The following IL1RAP variants were observed in gnomAD, a reference collection of about 807,000 sequenced individuals.
IL1RAP encodes interleukin 1 receptor accessory protein, also known as interleukin-1 receptor accessory protein.
IL1RAP carries 35 observed loss-of-function variants against 60.7 expected under a neutral mutation model. The observed-to-expected ratio is 0.58, with a 90% CI of 0.44 to 0.76. The LOEUF (loss-of-function observed/expected upper bound fraction) is 0.76. Among genes scored for constraint, IL1RAP ranks in the 30% least tolerant of loss-of-function variants. The probability of loss-of-function intolerance (pLI) is 0.00; values close to 1 mark genes in which losing one functional copy is unlikely to be tolerated. For missense variants in IL1RAP, 572 were observed against 693.9 expected, an observed-to-expected ratio of 0.82 and a Z score of 1.97; for synonymous variants, 268 against 250.9, an observed-to-expected ratio of 1.07 and a Z score of -0.64.
chr3:190,638,716 T>TAGTC (rs1733418490), intron 9 of IL1RAP, among the ~76,000 whole-genome samples: 1 of 152,138 alleles, frequency 6.6e-6, no homozygotes, highest in African/African-American at 2.4e-5. Flanking sequence ...TTTAGGCCTA[T>TAGTC]AGTCCATCTC....
downstream of IL1RAP, among the ~76,000 whole-genome samples, chr3:190,652,351 A>G (rs930103289): frequency 2.0e-5 from 3 of 151,756 alleles, no homozygotes; most frequent in African/African-American, 7.3e-5. Context: ...AGTCCCAGCT[A>G]CTCGGGAGGC....
At chr3:190,546,859 TC>T (rs1369760979) in intron 1 of IL1RAP, among the ~76,000 whole-genome samples, 7 of 152,220 alleles carry the variant, frequency 4.6e-5, no homozygotes, top group African/African-American at 1.7e-4. Context: ...GCGTAAGGGC[TC>T]CGCATAGTAG....
intron 2 of IL1RAP, among the ~76,000 whole-genome samples, chr3:190,561,310 C>A (rs1489584118): frequency 6.6e-6 from 1 of 152,180 alleles, no homozygotes; most frequent in Non-Finnish European, 1.5e-5. Flanking sequence ...AGCCAGGCGC[C>A]TCCCAATAAC....
At chr3:190,597,581 C>T (rs1427323308) in intron 3 of IL1RAP, among the ~76,000 whole-genome samples, 1 of 152,142 alleles carries the variant, frequency 6.6e-6, no homozygotes, top group Non-Finnish European at 1.5e-5. Flanking sequence ...ATTTCAGGCT[C>T]TACAGCATTT....
chr3:190,648,638 A>T lies in IL1RAP; in HGVS notation c.1646A>T (p.Lys549Met), dbSNP rs1298752193. 2 of 1,614,178 alleles carry T rather than the reference A, an allele frequency of 1.2e-6. No individual in the cohort carries two copies. Among genetic ancestry groups the T allele is most frequent in the Non-Finnish European group, 1.7e-6 (2 of 1,180,032 alleles). Reference sequence around the variant, plus strand: ...CAGCTGCAGGTGGCCATGCCAGTGAAGAAAAGTCCCAGGCGGTCTAGCAGT... The same window carrying T: ...CAGCTGCAGGTGGCCATGCCAGTGATGAAAAGTCCCAGGCGGTCTAGCAGT... ...WKQLQVAMPVKKSPRRSSSDE... is the reference protein window; with the variant it reads ...WKQLQVAMPVMKSPRRSSSDE... Residue 549 changes from lysine to methionine, a missense_variant, in exon 12 of 12, where the codon AAG (lysine) becomes ATG (methionine). Coordinates refer to ENST00000447382, the MANE Select transcript of IL1RAP (RefSeq NM_002182.4).
At position 190,651,178 on chromosome 3, in the gene IL1RAP, A is replaced by C; in HGVS notation, c.*2473A>C. On this transcript the variant is annotated 3_prime_UTR_variant, in exon 12 of 12. Transcript: ENST00000447382. ...ACCATGTCTCAAATTTTTTTAAAAA[A>C]AATTAATGGTTTTAAATATATGCTA... The C allele has an allele frequency of 1.0e-6, 1 of 982,460 alleles. No homozygotes were observed. Among genetic ancestry groups the C allele is most frequent in the African/African-American group, 1.7e-5 (1 of 57,296 alleles). The allele number at this position is 982,460 out of a possible 1,614,324, so 60.9% of individuals were successfully genotyped here.
In IL1RAP at chr3:190,573,013, G is replaced by C. The variant is rs1414873979; in HGVS notation, c.64+8660G>C. Among the ~76,000 whole-genome samples the C allele has an allele frequency of 1.9e-4, 18 of 94,148 alleles. 4 individuals are homozygous for C. Among genetic ancestry groups the C allele is most frequent in the African/African-American group, 4.8e-4 (12 of 24,910 alleles). The allele number at this position is 94,148 out of a possible 152,430, so 61.8% of individuals were successfully genotyped here. On this transcript the variant is annotated intron_variant, in intron 3 of 11. Coordinates refer to ENST00000447382, the MANE Select transcript of IL1RAP (RefSeq NM_002182.4). ...CGAGTAGCTGGGACTACAGGCGCCCGCCACCACGCCCGGCTAATTTTTTGT... is the reference window on the plus strand; with the variant it reads ...CGAGTAGCTGGGACTACAGGCGCCCCCCACCACGCCCGGCTAATTTTTTGT...
downstream of IL1RAP, among the ~76,000 whole-genome samples, chr3:190,654,569 A>G (rs1478537373): frequency 1.3e-5 from 2 of 152,154 alleles, no homozygotes; most frequent in Non-Finnish European, 2.9e-5. Context: ...TGTCTCTCCA[A>G]TTTCCCTTCA....
intron 5 of IL1RAP, among the ~76,000 whole-genome samples, chr3:190,614,557 G>T (rs1282955189): frequency 1.3e-5 from 2 of 152,074 alleles, no homozygotes; most frequent in African/African-American, 4.8e-5. Context: ...ACATCCTTAT[G>T]AAATAGGCTG....
downstream of IL1RAP, among the ~76,000 whole-genome samples, chr3:190,653,727 T>C (rs924963030): frequency 6.6e-6 from 1 of 152,202 alleles, no homozygotes; most frequent in African/African-American, 2.4e-5. Flanking sequence ...CATTATTATA[T>C]GGCCATACCT....
chr3:190,588,179 T>C (rs915437574), intron 3 of IL1RAP, among the ~76,000 whole-genome samples: 17 of 152,214 alleles, frequency 1.1e-4, no homozygotes, highest in Admixed American at 2.0e-4. Context: ...AGTGGTGCAA[T>C]CTCAGCTCAC....
chr3:190,653,778 C>G (rs1039718947), downstream of IL1RAP, among the ~76,000 whole-genome samples: 1 of 152,184 alleles, frequency 6.6e-6, no homozygotes, highest in Admixed American at 6.5e-5. Flanking sequence ...TAAATTACTA[C>G]TCCTCCAAGT....
In IL1RAP at chr3:190,649,415, C is replaced by A. The variant is rs1024362227; in HGVS notation, c.*710C>A. ...ATTCCTGATTATCCACAGGTCAACC[C>A]ACATTTTTTCATTCCTTCTCCCTAT... On this transcript the variant is annotated 3_prime_UTR_variant, in exon 12 of 12. Transcript: ENST00000447382. The A allele has an allele frequency of 1.4e-5, 14 of 985,612 alleles. No individual in the cohort carries two copies. In the South Asian group the frequency reaches 6.6e-4, roughly 46 times the overall value. The allele number at this position is 985,612 out of a possible 1,614,324, so 61.1% of individuals were successfully genotyped here. A position where few individuals can be genotyped will look rare whatever the true frequency, so the allele number is the denominator to read the frequency against.
intron 9 of IL1RAP, among the ~76,000 whole-genome samples, chr3:190,632,693 G>A (rs1732889674): frequency 6.6e-6 from 1 of 152,138 alleles, no homozygotes; most frequent in East Asian, 1.9e-4. Context: ...GGTTAGAAAG[G>A]TATCCTTCTG....
chr3:190,619,467 C>A (rs1731568404), intron 5 of IL1RAP, among the ~76,000 whole-genome samples: 2 of 152,098 alleles, frequency 1.3e-5, no homozygotes, highest in Admixed American at 1.3e-4. Flanking sequence ...TGGCTCATGC[C>A]TGTAATGCTA....
downstream of IL1RAP, chr3:190,656,154 GA>G: frequency 6.5e-7 from 1 of 1,537,250 alleles, no homozygotes; most frequent in Non-Finnish European, 8.7e-7. Context: ...CTAAATTCTG[GA>G]AAGCTTTGCG....
Position 190,649,303 on chromosome 3 carries a change from A to T in IL1RAP, c.*598A>T. The T allele has an allele frequency of 1.0e-6, 1 of 985,122 alleles. No homozygotes were observed. Among genetic ancestry groups the T allele is most frequent in the Non-Finnish European group, 1.2e-6 (1 of 829,234 alleles). 61.0% of individuals were successfully genotyped at this position (985,122 alleles called of 1,614,324 possible). On this transcript the variant is annotated 3_prime_UTR_variant, in exon 12 of 12. Coordinates refer to ENST00000447382, the MANE Select transcript of IL1RAP (RefSeq NM_002182.4). ...AATTGATTTAAAGGACTTGTCTTCT[A>T]TACCACCCTTGTCCTCATCTCAGGT...
intron 8 of IL1RAP, 102 bp downstream of exon 8, chr3:190,627,551 C>A: frequency 7.3e-7 from 1 of 1,370,812 alleles, no homozygotes; most frequent in Non-Finnish European, 9.6e-7. Flanking sequence ...TCATTTTTCC[C>A]TATCACTAAC....
intron 9 of IL1RAP, among the ~76,000 whole-genome samples, chr3:190,630,818 C>T (rs1732728197): frequency 6.6e-6 from 1 of 152,156 alleles, no homozygotes; most frequent in Non-Finnish European, 1.5e-5. Flanking sequence ...TCTGCACATC[C>T]TAACTCTGTG....
Sources: gnomAD v4.1 joint callset for allele counts (sites outside exome capture counted in the v4.1 genomes callset) on GRCh38, gnomAD v4.1.1 for gene constraint, MANE v1.5 for transcripts, NCBI Gene and HGNC (gene_info 2026-07-23, HGNC 2026-07-21) for gene names.